RORB: variants seen among roughly 807,000 people sequenced by gnomAD.
The protein encoded by RORB is RAR related orphan receptor B.
RORB carries 6 observed loss-of-function variants against 59.1 expected under a neutral mutation model. That is an observed-to-expected ratio of 0.10 (90% CI 0.06 to 0.20). The LOEUF (loss-of-function observed/expected upper bound fraction) is 0.20, where lower values mean the gene tolerates loss of function less well. Among genes scored for constraint, RORB ranks in the 10% least tolerant of loss-of-function variants. The pLI is 1.00. For synonymous variants in RORB, 215 were observed against 204.5 expected (o/e 1.05, Z -0.44); for missense variants, 320 against 560.5 (o/e 0.57, Z 4.33).
At chr9:74,644,275 T>C (rs1465694048) in intron 4 of RORB, among the ~76,000 whole-genome samples, 1 of 152,164 alleles carries the variant, frequency 6.6e-6, no homozygotes, top group Non-Finnish European at 1.5e-5. Flanking sequence ...GCACCTGTAA[T>C]GACTTTCACA....
intron 9 of RORB, among the ~76,000 whole-genome samples, chr9:74,681,243 C>G (rs1824542452): frequency 6.6e-6 from 1 of 152,076 alleles, no homozygotes; most frequent in Admixed American, 6.5e-5. Context: ...CTCTGAGCTC[C>G]CTTTGAAATG....
chr9:74,655,403 T>C (rs982071648), intron 4 of RORB, among the ~76,000 whole-genome samples: 1 of 151,782 alleles, frequency 6.6e-6, no homozygotes, highest in Non-Finnish European at 1.5e-5. Flanking sequence ...ACATGTACCA[T>C]CTGCAGCCCA....
intron 1 of RORB, among the ~76,000 whole-genome samples, chr9:74,596,604 C>G (rs1328670836): frequency 1.3e-5 from 2 of 152,066 alleles, no homozygotes; most frequent in African/African-American, 4.8e-5. Context: ...TTTTTTTCTC[C>G]ATTCTAAGAG....
intron 9 of RORB, among the ~76,000 whole-genome samples, chr9:74,672,693 T>A (rs1824369117): frequency 2.6e-5 from 4 of 152,214 alleles, no homozygotes; most frequent in Admixed American, 2.6e-4. Context: ...TTATTTTATA[T>A]CTTAAAGTAT....
At chr9:74,683,646 T>TA (rs1277875207) in intron 9 of RORB, among the ~76,000 whole-genome samples, 2 of 152,140 alleles carry the variant, frequency 1.3e-5, no homozygotes, top group Non-Finnish European at 2.9e-5. Context: ...CCCCAGCACC[T>TA]AATTAGGTCT....
chr9:74,628,581 T>G (rs947831157), intron 1 of RORB, among the ~76,000 whole-genome samples: 5 of 152,186 alleles, frequency 3.3e-5, no homozygotes, highest in Non-Finnish European at 7.3e-5. Context: ...TTTTAAAAAT[T>G]CAATGTACTG....
intron 4 of RORB, among the ~76,000 whole-genome samples, chr9:74,658,331 G>A (rs1321676959): frequency 2.6e-5 from 4 of 152,150 alleles, no homozygotes. Context: ...ATGACCATCC[G>A]GGTTGAGTCC....
intron 9 of RORB, among the ~76,000 whole-genome samples, chr9:74,684,642 T>C (rs1045462676): frequency 2.6e-5 from 4 of 152,180 alleles, no homozygotes; most frequent in Admixed American, 6.5e-5. Context: ...AATTACATCT[T>C]ACATGATACA....
chr9:74,627,160 C>CAAAA (rs5898367), intron 1 of RORB, among the ~76,000 whole-genome samples: 2 of 132,800 alleles, frequency 1.5e-5, no homozygotes, highest in South Asian at 2.4e-4. Context: ...GACTCCATCT[C>CAAAA]AAAAAAAAAA....
intron 1 of RORB, among the ~76,000 whole-genome samples, chr9:74,562,200 C>T (rs532851408): frequency 6.6e-6 from 1 of 152,270 alleles, no homozygotes; most frequent in South Asian, 2.1e-4. Flanking sequence ...GTATGTATTT[C>T]AGTCTACTTT....
At chr9:74,518,565 T>G (rs781508622) in intron 1 of RORB, among the ~76,000 whole-genome samples, 1 of 151,982 alleles carries the variant, frequency 6.6e-6, no homozygotes, top group Non-Finnish European at 1.5e-5. Flanking sequence ...GCAAGTCACC[T>G]CTTTGCCCCG....
intron 1 of RORB, chr9:74,615,768 T>C: frequency 3.5e-6 from 1 of 286,984 alleles, no homozygotes; most frequent in Non-Finnish European, 7.1e-6. Flanking sequence ...AAAAAATATT[T>C]TCTGACTCAG....
intron 1 of RORB, among the ~76,000 whole-genome samples, chr9:74,616,060 G>A (rs903820058): frequency 6.6e-6 from 1 of 152,048 alleles, no homozygotes; most frequent in African/African-American, 2.4e-5. Context: ...GATACCAGAT[G>A]CTTTATCATA....
At chr9:74,657,383 A>G (rs988542042) in intron 4 of RORB, among the ~76,000 whole-genome samples, 2 of 152,086 alleles carry the variant, frequency 1.3e-5, no homozygotes, top group Non-Finnish European at 2.9e-5. Context: ...CTCTTTCGAA[A>G]CCTCACTTCT....
At chr9:74,660,490 G>A (rs1824164458) in intron 4 of RORB, 127 bp from the exon 5 acceptor site, 3 of 688,282 alleles carry the variant, frequency 4.4e-6, no homozygotes, top group Non-Finnish European at 4.5e-6. Flanking sequence ...AAGATAGATA[G>A]CAATGTTAAA....
intron 1 of RORB, among the ~76,000 whole-genome samples, chr9:74,607,157 A>G (rs1347305275): frequency 6.6e-6 from 1 of 152,244 alleles, no homozygotes; most frequent in East Asian, 1.9e-4. Context: ...ATCACCCATG[A>G]CACCAAATAA....
chr9:74,509,855 T>C (rs887701097), intron 1 of RORB, among the ~76,000 whole-genome samples: 2 of 151,968 alleles, frequency 1.3e-5, no homozygotes, highest in Non-Finnish European at 2.9e-5. Flanking sequence ...CTGAGCATTA[T>C]AAAGAAAAAA....
At chr9:74,570,318 AT>A (rs1243067644) in intron 1 of RORB, among the ~76,000 whole-genome samples, 1 of 152,128 alleles carries the variant, frequency 6.6e-6, no homozygotes, top group African/African-American at 2.4e-5. Context: ...TGTATTTGTC[AT>A]CTTTAATGTA....
chr9:74,506,759 T>C (rs991423153), intron 1 of RORB, among the ~76,000 whole-genome samples: 1 of 152,070 alleles, frequency 6.6e-6, no homozygotes, highest in African/African-American at 2.4e-5. Flanking sequence ...AATTTCCACA[T>C]AGTGGGCAGG....
Sources: gnomAD v4.1 joint callset for allele counts (sites outside exome capture counted in the v4.1 genomes callset) on GRCh38, gnomAD v4.1.1 for gene constraint, MANE v1.5 for transcripts, NCBI Gene and HGNC (gene_info 2026-07-23, HGNC 2026-07-21) for gene names.